The following SCRIB variants were observed in gnomAD, a reference collection of about 807,000 sequenced individuals.
The protein encoded by SCRIB is scribble planar cell polarity protein.
SCRIB carries 72 observed loss-of-function variants against 170.0 expected under a neutral mutation model. The ratio of observed to expected loss-of-function variants is 0.42; its 90% CI spans 0.35 to 0.52. The LOEUF is 0.52. SCRIB is among the 20% of genes least tolerant of loss of function. SCRIB has a pLI of 0.02. For synonymous variants in SCRIB, 1,298 were observed against 1,044.3 expected, an observed-to-expected ratio of 1.24 and a Z score of -4.68; for missense variants, 2,475 against 2,338.5, an observed-to-expected ratio of 1.06 and a Z score of -1.20.
chr8:143,807,099 G>T, intron 16 of SCRIB, 86 bp from the exon 17 acceptor site: 1 of 958,450 alleles, frequency 1.0e-6, no homozygotes, highest in Non-Finnish European at 1.6e-6. Flanking sequence ...GCACGCAGAT[G>T]CCATTTCTGG....
rs534664498 is a variant in SCRIB, at chr8:143,792,540, C to G, written c.4273G>C (p.Glu1425Gln). The change falls in exon 31 of 37, where the codon GAG (glutamate) becomes CAG (glutamine). Residue 1425 changes from glutamate (E) to glutamine (Q), a missense_variant. Coordinates refer to ENST00000356994, the MANE Select transcript of SCRIB (RefSeq NM_182706.5). ...RLALDGETLGEEEQEDEQPPW... is the reference protein window; with the variant it reads ...RLALDGETLGQEEQEDEQPPW... ...GGCTGCTCATCCTCCTGTTCCTCCT[C>G]GCCCAGCGTCTCCCCGTCCAGGGCG... 1 of 1,558,080 alleles carries G rather than the reference C, an allele frequency of 6.4e-7. No homozygotes were observed. The highest frequency in any genetic ancestry group is 8.6e-7 in the Non-Finnish European group (1 of 1,158,980).
At chr8:143,793,261 TG>T in intron 28 of SCRIB, 178 bp from the exon 29 acceptor site, 1 of 487,256 alleles carries the variant, frequency 2.1e-6, no homozygotes, top group East Asian at 3.4e-5. Flanking sequence ...ACTCACGGAG[TG>T]GGGACAACCT....
At chr8:143,798,213 G>A (rs1815023389) in intron 24 of SCRIB, among the ~76,000 whole-genome samples, 1 of 151,882 alleles carries the variant, frequency 6.6e-6, no homozygotes. Context: ...CTGAGATCGT[G>A]CCACTGCACT....
rs752076169 is a variant in SCRIB, at chr8:143,810,988, C to T, written c.1191G>A (p.Arg397=). 60 of 1,611,582 alleles carry T rather than the reference C, an allele frequency of 3.7e-5. No homozygotes were observed. Among genetic ancestry groups the T allele is most frequent in the Non-Finnish European group, 4.8e-5 (57 of 1,179,470 alleles). The change falls in exon 11 of 37, where the codon CGG becomes CGA. Residue 397 remains arginine, a synonymous_variant. Transcript: ENST00000356994. ...LAENQAQPML[R]FQTEDDARTG... is the part of the protein sequence containing the mutation. ...TCCGGGCATCATCCTCCGTCTGGAA[C>T]CGGAGCATGGGCTGCGCCTGGTTCT...
intron 34 of SCRIB, 62 bp from the exon 35 acceptor site, chr8:143,791,802 CG>C (rs561372484): frequency 4.1e-6 from 3 of 733,958 alleles, no homozygotes; most frequent in Admixed American, 3.5e-5. Flanking sequence ...ATGAGGGCCA[CG>C]GGGGTGGGGG....
At chr8:143,811,457 C>G in intron 9 of SCRIB, 112 bp from the exon 10 acceptor site, 1 of 899,260 alleles carries the variant, frequency 1.1e-6, no homozygotes, top group South Asian at 1.6e-5. Context: ...AGCCAGGGTC[C>G]CTCACAGCCC....
chr8:143,799,791 C>CA (rs1307558921), intron 24 of SCRIB, among the ~76,000 whole-genome samples: 2 of 144,100 alleles, frequency 1.4e-5, no homozygotes, highest in African/African-American at 5.8e-5. Context: ...CTCTGACAGA[C>CA]AGACGTGGGC....
chr8:143,808,902 G>A lies in SCRIB; in HGVS notation c.1822C>T (p.Pro608Ser). The A allele has an allele frequency of 6.2e-7, 1 of 1,610,456 alleles. No homozygotes were observed. The highest frequency in any genetic ancestry group is 8.5e-7 in the Non-Finnish European group (1 of 1,179,970). Residue 608 changes from proline (P) to serine (S), a missense_variant, in exon 15 of 37, where the codon CCT becomes TCT. Transcript: ENST00000356994. ...GRQRLIRKDT[P>S]HYKKHFKISK... ...ATCTTGAAGTGCTTTTTGTAGTGAGGTGTGTCCTTGCGGATGAGCCGCTGC... is the reference window on the plus strand; with the variant it reads ...ATCTTGAAGTGCTTTTTGTAGTGAGATGTGTCCTTGCGGATGAGCCGCTGC...
At chr8:143,813,396 G>A (rs1163761698) in intron 5 of SCRIB, 22 bp from the exon 6 acceptor site, 13 of 1,613,272 alleles carry the variant, frequency 8.1e-6, no homozygotes, top group Middle Eastern at 1.6e-4. Context: ...GCAGGGTGGA[G>A]GTGTGGCCAC....
chr8:143,808,883 A>T lies in SCRIB; in HGVS notation c.1841T>A (p.Phe614Tyr). ...GGGCTGGGGCAGCTTGGAGATCTTG[A>T]AGTGCTTTTTGTAGTGAGGTGTGTC... ...RKDTPHYKKH[F>Y]KISKLPQPEA... The change falls in exon 15 of 37, where the codon TTC becomes TAC. Residue 614 changes from phenylalanine (F) to tyrosine (Y), a missense_variant. Physicochemically the swap from Phe to Tyr is conservative, Grantham distance 22 (BLOSUM62 3). Around this residue, in one of 3 missense-constraint regions of SCRIB, gnomAD observed 1,966 missense variants for 1,742.9 expected, o/e 1.13. Transcript: ENST00000356994. 6.2e-7 allele frequency: 1 copy of T among 1,609,886 alleles called. No homozygotes were observed. Among genetic ancestry groups the T allele is most frequent in the African/African-American group, 1.3e-5 (1 of 75,030 alleles).
In SCRIB at chr8:143,812,949, G is replaced by A. The variant is rs1563807887; in HGVS notation, c.655C>T (p.Leu219=). The change falls in exon 8 of 37, where the codon CTG becomes TTG. Residue 219 remains leucine, a synonymous_variant. Transcript: ENST00000356994. ...LSALPPELGN[L]RRLVCLDVSE... ...ACGTCCAGGCACACCAGGCGCCGCAGGTTCCCGAGCTCCTGCAGGTGGGCA... is the reference window on the plus strand; with the variant it reads ...ACGTCCAGGCACACCAGGCGCCGCAAGTTCCCGAGCTCCTGCAGGTGGGCA... 6.2e-7 allele frequency: 1 copy of A among 1,612,824 alleles called. No homozygotes were observed. Among genetic ancestry groups the A allele is most frequent in the African/African-American group, 1.3e-5 (1 of 75,066 alleles).
chr8:143,791,949 A>C (rs1554632817), intron 33 of SCRIB, 36 bp from the exon 34 acceptor site: 1 of 1,501,822 alleles, frequency 6.7e-7, no homozygotes, highest in East Asian at 2.4e-5. Flanking sequence ...GAAGCAGCCC[A>C]TGCGGCAGGC....
chr8:143,813,605 C>G, intron 4 of SCRIB, 32 bp downstream of exon 4: 1 of 1,612,454 alleles, frequency 6.2e-7, no homozygotes, highest in East Asian at 2.2e-5. Context: ...GGTCCCCCAC[C>G]CCACCCTAGT....
chr8:143,807,442 T>C (rs1815478560), intron 16 of SCRIB, 110 bp downstream of exon 16: 1 of 905,842 alleles, frequency 1.1e-6, no homozygotes, highest in East Asian at 2.4e-5. Context: ...GAGAGCTCTT[T>C]TGAGAGGGAT....
At chr8:143,810,314 A>C (rs746650285) in intron 13 of SCRIB, among the ~76,000 whole-genome samples, 165 bp downstream of exon 13, 3 of 151,120 alleles carry the variant, frequency 2.0e-5, no homozygotes, top group Non-Finnish European at 4.4e-5. Context: ...GGCACCCTTC[A>C]CCCAGCTGGC....
intron 9 of SCRIB, among the ~76,000 whole-genome samples, chr8:143,811,903 C>T (rs373658089): frequency 6.6e-6 from 1 of 152,198 alleles, no homozygotes; most frequent in Non-Finnish European, 1.5e-5. Context: ...TCAGCTTGCC[C>T]TGCTTTGTGA....
In SCRIB at chr8:143,792,036, C is replaced by G; in HGVS notation, c.4612G>C (p.Glu1538Gln). Reference protein sequence around the residue: ...GTRGPLERLAEAPSPAPTPSP... With the variant: ...GTRGPLERLAQAPSPAPTPSP... ...GGGGTGGGCGCAGGGGAAGGGGCCT[C>G]GGCCAGTCGCTCCAGGGGCCCCCGC... is the stretch of plus-strand genomic sequence containing the variant. Residue 1538 changes from glutamate to glutamine, a missense_variant, in exon 33 of 37, where the codon GAG (glutamate) becomes CAG (glutamine). Glu to Gln is a conservative substitution (Grantham distance 29). Transcript: ENST00000356994. 2 of 1,572,658 alleles carry G rather than the reference C, an allele frequency of 1.3e-6. No homozygotes were observed. Among genetic ancestry groups the G allele is most frequent in the South Asian group, 1.2e-5 (1 of 86,528 alleles).
intron 24 of SCRIB, among the ~76,000 whole-genome samples, chr8:143,800,577 C>A (rs1224611050): frequency 1.3e-5 from 2 of 152,254 alleles, no homozygotes; most frequent in Non-Finnish European, 2.9e-5. Flanking sequence ...AAAAGCTCGA[C>A]ATAAAGATAA....
intron 8 of SCRIB, among the ~76,000 whole-genome samples, 188 bp downstream of exon 8, chr8:143,812,629 A>G (rs1815794867): frequency 2.0e-5 from 3 of 151,826 alleles, no homozygotes; most frequent in African/African-American, 7.3e-5. Flanking sequence ...CTCCAGCACC[A>G]CCAGCTGCCT....
Sources: allele counts gnomAD v4.1 joint callset (sites outside exome capture counted in the v4.1 genomes callset), GRCh38; gene constraint gnomAD v4.1.1; regional missense constraint gnomAD v4.1.1; transcripts MANE v1.5; gene names NCBI Gene and HGNC (gene_info 2026-07-23, HGNC 2026-07-21).